The following PTPRN2 variants were observed in gnomAD, a reference collection of about 807,000 sequenced individuals.
PTPRN2 encodes the protein receptor-type tyrosine-protein phosphatase N2.
In PTPRN2, 74 loss-of-function variants were observed where a neutral mutation model predicts 118.8. The observed-to-expected ratio is 0.62, with a 90% CI of 0.52 to 0.76. The LOEUF (loss-of-function observed/expected upper bound fraction) is 0.76, where lower values mean the gene tolerates loss of function less well. Among genes scored for constraint, PTPRN2 ranks in the 30% least tolerant of loss-of-function variants. PTPRN2 has a pLI of 0.00. For missense variants in PTPRN2, 1,481 were observed against 1,394.4 expected (o/e 1.06, Z -0.99); for synonymous variants, 641 against 608.0 (o/e 1.05, Z -0.80).
At chr7:157,653,934 A>G (rs1221479830) in intron 14 of PTPRN2, among the ~76,000 whole-genome samples, 2 of 120,908 alleles carry the variant, frequency 1.7e-5, no homozygotes, top group Non-Finnish European at 3.4e-5. Context: ...ACCCACCCCA[A>G]CTGCACACGA....
intron 6 of PTPRN2, among the ~76,000 whole-genome samples, chr7:158,160,643 C>T (rs1371872617): frequency 6.6e-6 from 1 of 152,194 alleles, no homozygotes. Flanking sequence ...CTCATCTTGT[C>T]AAAAGCCTTA....
chr7:158,358,437 G>A (rs538587454), intron 2 of PTPRN2, among the ~76,000 whole-genome samples: 2 of 152,290 alleles, frequency 1.3e-5, no homozygotes, highest in Non-Finnish European at 2.9e-5. Context: ...ATATTCGGCC[G>A]ACGGAAATGG....
intron 6 of PTPRN2, among the ~76,000 whole-genome samples, chr7:158,164,892 G>A (rs866940347): frequency 1.1e-4 from 17 of 152,186 alleles, no homozygotes; most frequent in Admixed American, 4.6e-4. Flanking sequence ...TGTATTCACC[G>A]CCTGTGGCCA....
In PTPRN2 at chr7:157,764,125, G is replaced by C. The variant is rs1046424375; in HGVS notation, c.1789-81188C>G. Among the ~76,000 whole-genome samples the C allele has an allele frequency of 6.6e-6, 1 of 152,122 alleles. No individual in the cohort carries two copies. The highest frequency in any genetic ancestry group is 1.5e-5 in the Non-Finnish European group (1 of 68,010). On this transcript the variant is annotated intron_variant, in intron 12 of 22. Transcript: ENST00000389418. This position sits in a 1 kb window ranked among gnomAD's most constrained non-coding sequence, Gnocchi z 4.5. ...GCGAGAATGCTGAGGAATCGTAACT[G>C]GCACACTCTGCAGGGAGGAATATAG...
rs141826242 is a variant in PTPRN2 at position 158,344,716 on chromosome 7, C to T, written c.164-27784G>A. On this transcript the variant is annotated intron_variant, in intron 2 of 22. Coordinates refer to ENST00000389418, the MANE Select transcript of PTPRN2 (RefSeq NM_002847.5). ...TCGCTCTCCCCAAGCTCAGTCCTGACAGAAATGACGCTCTGACGGTGCACG... is the reference window on the plus strand; with the variant it reads ...TCGCTCTCCCCAAGCTCAGTCCTGATAGAAATGACGCTCTGACGGTGCACG... Among the ~76,000 whole-genome samples, 107 of 152,136 alleles carry T rather than the reference C, an allele frequency of 7.0e-4. 1 individual carries two copies. Among genetic ancestry groups the T allele is most frequent in the African/African-American group, 2.4e-3 (100 of 41,504 alleles).
intron 6 of PTPRN2, among the ~76,000 whole-genome samples, chr7:158,160,398 C>A (rs1252586357): frequency 6.6e-6 from 1 of 152,174 alleles, no homozygotes; most frequent in Non-Finnish European, 1.5e-5. Context: ...CTGCCCTGGA[C>A]ATCAGAGCTC....
intron 6 of PTPRN2, 51 bp from the exon 7 acceptor site, chr7:158,138,566 G>C: frequency 6.4e-7 from 1 of 1,555,786 alleles, no homozygotes; most frequent in Non-Finnish European, 8.8e-7. Flanking sequence ...CGAATGCAAA[G>C]GTGAGGGCCT....
intron 2 of PTPRN2, among the ~76,000 whole-genome samples, chr7:158,403,535 C>T (rs1813106204): frequency 6.6e-6 from 1 of 152,244 alleles, no homozygotes; most frequent in Non-Finnish European, 1.5e-5. Flanking sequence ...TAGGCCCAAA[C>T]CCCTGGGTGT....
intron 1 of PTPRN2, among the ~76,000 whole-genome samples, chr7:158,496,027 T>A (rs926936117): frequency 6.6e-6 from 1 of 151,794 alleles, no homozygotes; most frequent in African/African-American, 2.4e-5. Context: ...CGGACAGGGC[T>A]TGGGGGGCAG....
chr7:158,094,453 G>A (rs930405009), intron 10 of PTPRN2, among the ~76,000 whole-genome samples: 3 of 152,090 alleles, frequency 2.0e-5, no homozygotes, highest in African/African-American at 7.2e-5. Flanking sequence ...GGGATTACAG[G>A]CACCTGCCAC....
intron 2 of PTPRN2, among the ~76,000 whole-genome samples, chr7:158,392,660 G>A (rs969559826): frequency 4.6e-5 from 7 of 152,182 alleles, no homozygotes; most frequent in African/African-American, 1.7e-4. Context: ...GTAGATCAAT[G>A]TGTTTCACCA....
At chr7:158,412,791 C>T (rs1285602392) in intron 2 of PTPRN2, among the ~76,000 whole-genome samples, 2 of 135,684 alleles carry the variant, frequency 1.5e-5, no homozygotes, top group African/African-American at 2.8e-5. Context: ...CCAGCACCCT[C>T]CTCAGCTCCA....
chr7:157,555,563 T>C (rs913137114), intron 21 of PTPRN2, among the ~76,000 whole-genome samples: 3 of 152,168 alleles, frequency 2.0e-5, no homozygotes, highest in Non-Finnish European at 2.9e-5. Flanking sequence ...ATCGTCGCCG[T>C]CTCCTGACCG....
intron 17 of PTPRN2, among the ~76,000 whole-genome samples, chr7:157,592,749 G>C (rs1801061140): frequency 6.7e-6 from 1 of 148,474 alleles, no homozygotes; most frequent in Admixed American, 6.7e-5. Flanking sequence ...ACGGAGGGTG[G>C]ACGTGGCACC....
intron 11 of PTPRN2, among the ~76,000 whole-genome samples, chr7:158,071,622 GTGCTCGTGGTGGTGGAGA>G (rs1811742977): frequency 1.3e-4 from 13 of 99,744 alleles, no homozygotes; most frequent in Admixed American, 2.2e-4. Flanking sequence ...CGTGGTGGAG[GTGCTCGTGGTGGTGGAGA>G]TGCTCGTGGT....
chr7:158,381,771 T>C (rs1810982161), intron 2 of PTPRN2, among the ~76,000 whole-genome samples: 1 of 152,204 alleles, frequency 6.6e-6, no homozygotes, highest in Non-Finnish European at 1.5e-5. Flanking sequence ...AGTGATTTAA[T>C]TGACTCACAG....
At chr7:158,545,782 T>C (rs1406114201) in intron 1 of PTPRN2, among the ~76,000 whole-genome samples, 1 of 152,168 alleles carries the variant, frequency 6.6e-6, no homozygotes, top group Admixed American at 6.5e-5. Context: ...GCGGATCACC[T>C]GAGGTCAGGA....
chr7:158,337,140 C>T (rs1805756315), intron 2 of PTPRN2, among the ~76,000 whole-genome samples: 1 of 152,088 alleles, frequency 6.6e-6, no homozygotes, highest in African/African-American at 2.4e-5. Flanking sequence ...CACTTACAGC[C>T]ATACTCTCAC....
At position 158,332,946 on chromosome 7, in the gene PTPRN2, A is replaced by G. The variant is rs1586315491; in HGVS notation, c.164-16014T>C. Among the ~76,000 whole-genome samples the G allele has an allele frequency of 3.4e-5, 5 of 145,136 alleles. No homozygotes were observed. The South Asian group carries it at 8.6e-4, about 25-fold the overall frequency. Reference sequence around the variant, plus strand: ...ATAAGAAGTGACACCTGCAGACATCACTCACACCCACAGTCTCACCATAAG... The same window carrying G: ...ATAAGAAGTGACACCTGCAGACATCGCTCACACCCACAGTCTCACCATAAG... On this transcript the variant is annotated intron_variant, in intron 2 of 22. Coordinates refer to ENST00000389418, the MANE Select transcript of PTPRN2 (RefSeq NM_002847.5).
Sources: gnomAD v4.1 joint callset for allele counts (sites outside exome capture counted in the v4.1 genomes callset) on GRCh38, gnomAD v4.1.1 for gene constraint, Gnocchi (gnomAD v3.1) non-coding constraint, MANE v1.5 for transcripts, NCBI Gene and HGNC (gene_info 2026-07-23, HGNC 2026-07-21) for gene names.